STEEP1: variants seen among roughly 807,000 people sequenced by gnomAD.
STEEP1 encodes STING1 ER exit protein 1.
Under a neutral mutation model 19.2 loss-of-function variants are expected in STEEP1, and 3 were observed. That is an observed-to-expected ratio of 0.16 (90% CI 0.07 to 0.40). STEEP1 has a LOEUF of 0.40. STEEP1 is among the 10% of genes least tolerant of loss of function. The pLI is 0.99. For synonymous variants in STEEP1, 46 were observed against 63.7 expected (o/e 0.72, Z 1.32); for missense variants, 54 against 177.1 (o/e 0.30, Z 3.94).
intron 1 of STEEP1, among the ~76,000 whole-genome samples, chrX:119,564,545 A>T (rs890767564): frequency 9.2e-5 from 10 of 109,122 alleles, no homozygotes; most frequent in African/African-American, 3.3e-4. Flanking sequence ...TCAAGTGAGT[A>T]TGGAGTCTTG....
Position 119,545,425 on chromosome X carries a change from T to C in STEEP1, c.284+38A>G, listed in dbSNP as rs191963467. ...TTTCCTAACACATTATGCCTCTACT[T>C]GCCTATGCTTGGAGAAACCCACATT... On this transcript the variant is annotated intron_variant, in intron 3 of 6. Transcript: ENST00000644802. The C allele has an allele frequency of 6.4e-5, 62 of 971,800 alleles. No individual in the cohort carries two copies. The African/African-American group carries it at 9.9e-4, about 16-fold the overall frequency. The allele number at this position is 971,800 out of a possible 1,213,427, so 80.1% of individuals were successfully genotyped here.
chrX:119,552,197 G>C (rs909443545), intron 2 of STEEP1, among the ~76,000 whole-genome samples: 1 of 111,132 alleles, frequency 9.0e-6, no homozygotes, highest in African/African-American at 3.3e-5. Flanking sequence ...CTGGCTGCCC[G>C]GCTAATTTTT....
chrX:119,540,264 A>G (rs182774233), intron 6 of STEEP1, among the ~76,000 whole-genome samples: 1 of 112,646 alleles, frequency 8.9e-6, no homozygotes, highest in East Asian at 2.8e-4. Context: ...AGTAATTTTT[A>G]AAATCTGATA....
intron 4 of STEEP1, among the ~76,000 whole-genome samples, chrX:119,543,683 T>G (rs776424329): frequency 9.2e-6 from 1 of 109,216 alleles, no homozygotes; most frequent in South Asian, 3.9e-4. Context: ...GGTCTCGCCG[T>G]GCTGCCCAGG....
Position 119,558,191 on chromosome X carries a change from G to A in STEEP1, c.242+2077C>T, listed in dbSNP as rs889956959. Among the ~76,000 whole-genome samples the A allele has an allele frequency of 2.7e-5, 3 of 111,379 alleles. No individual in the cohort carries two copies. In the Admixed American group the frequency reaches 2.9e-4, roughly 11 times the overall value. On this transcript the variant is annotated intron_variant, in intron 2 of 6. Transcript: ENST00000644802. Reference sequence around the variant, plus strand: ...CTCAAAGTGTTGGGATTACAGGCGTGAGCCACCACACCCAGGCTGTAGTAC... The same window carrying A: ...CTCAAAGTGTTGGGATTACAGGCGTAAGCCACCACACCCAGGCTGTAGTAC...
chrX:119,559,105 C>G (rs1176294991), intron 2 of STEEP1, among the ~76,000 whole-genome samples: 2 of 110,051 alleles, frequency 1.8e-5, no homozygotes, highest in African/African-American at 6.6e-5. Flanking sequence ...GAAATCCCAG[C>G]TACTCAGGAC....
intron 1 of STEEP1, among the ~76,000 whole-genome samples, chrX:119,564,909 T>C (rs981477688): frequency 8.9e-6 from 1 of 111,787 alleles, no homozygotes; most frequent in African/African-American, 3.3e-5. Flanking sequence ...GCAGAAAAGT[T>C]ATAAAGCTTC....
intron 6 of STEEP1, 24 bp from the exon 7 acceptor site, chrX:119,539,813 G>C (rs766950247): frequency 1.8e-6 from 2 of 1,132,320 alleles, no homozygotes; most frequent in Non-Finnish European, 1.2e-6. Flanking sequence ...AAAAGCATAT[G>C]TCTTGATACA....
At chrX:119,548,523 ACT>A (rs1249789953) in intron 2 of STEEP1, among the ~76,000 whole-genome samples, 2 of 76,145 alleles carry the variant, frequency 2.6e-5, no homozygotes, top group African/African-American at 1.1e-4. Context: ...ACAGAGTAAG[ACT>A]CTGTCTCAAA....
Position 119,539,592 on chromosome X carries a change from G to T in STEEP1, c.*135C>A. 2.2e-6 allele frequency: 1 copy of T among 454,310 alleles called. No individual in the cohort carries two copies. The highest frequency in any genetic ancestry group is 3.8e-6 in the Non-Finnish European group (1 of 261,352). 37.4% of individuals were successfully genotyped at this position (454,310 alleles called of 1,213,427 possible). A position where few individuals can be genotyped will look rare whatever the true frequency, so the allele number is the denominator to read the frequency against. Reference sequence around the variant, plus strand: ...GACTCAGTTAAAGACCTCACTGAATGTAGGAGAATCAATGGGAAACAACGT... The same window carrying T: ...GACTCAGTTAAAGACCTCACTGAATTTAGGAGAATCAATGGGAAACAACGT... On this transcript the variant is annotated 3_prime_UTR_variant, in exon 7 of 7. Transcript: ENST00000644802.
chrX:119,545,581 CGCTAAGAG>C, intron 2 of STEEP1, 77 bp from the exon 3 acceptor site: 1 of 695,291 alleles, frequency 1.4e-6, no homozygotes, highest in Admixed American at 2.3e-5. Context: ...TTTCTTCAAA[CGCTAAGAG>C]GCCCTTTCAA....
chrX:119,564,505 G>GGC (rs1556224716), intron 1 of STEEP1, among the ~76,000 whole-genome samples: 1 of 96,810 alleles, frequency 1.0e-5, no homozygotes, highest in African/African-American at 3.9e-5. Context: ...GAAAAAAAAG[G>GGC]GGGGGGGGAA....
intron 4 of STEEP1, among the ~76,000 whole-genome samples, chrX:119,544,137 ACCC>A (rs1258792107): frequency 9.0e-6 from 1 of 110,965 alleles, no homozygotes; most frequent in Non-Finnish European, 1.9e-5. Context: ...GCATCTATAT[ACCC>A]CCCAAATCGT....
Position 119,539,547 on chromosome X carries a change from A to AAG in STEEP1, c.*179_*180insCT, listed in dbSNP as rs1556193710. ...CTTTATCTCAAAAAAAAAAAAAAAA[A>AAG]AAAGAAAGCAAGTTAAATGGACTCA... On this transcript the variant is annotated 3_prime_UTR_variant, in exon 7 of 7. Coordinates refer to ENST00000644802, the MANE Select transcript of STEEP1 (RefSeq NM_022101.4). 9.0e-4 allele frequency: 320 copies of AAG among 356,671 alleles called. No individual in the cohort carries two copies. Among genetic ancestry groups the AAG allele is most frequent in the South Asian group, 1.9e-3 (30 of 15,971 alleles). The allele number at this position is 356,671 out of a possible 1,213,427, so 29.4% of individuals were successfully genotyped here.
intron 5 of STEEP1, among the ~76,000 whole-genome samples, chrX:119,542,055 CTTTTTTTTTTTTTTTT>C (rs201339708): frequency 2.4e-5 from 2 of 82,907 alleles, no homozygotes; most frequent in African/African-American, 4.9e-5. Context: ...CTTTTCTTTT[CTTTTTTTTTTTTTTTT>C]TTTTTTTTTT....
chrX:119,545,599 A>G (rs1172762767), intron 2 of STEEP1, 95 bp from the exon 3 acceptor site: 1 of 620,041 alleles, frequency 1.6e-6, no homozygotes, highest in African/African-American at 2.2e-5. Context: ...GGCCCTTTCA[A>G]AAGTTTTCAT....
In STEEP1 at chrX:119,538,956, C is replaced by T. The variant is rs896736293; in HGVS notation, c.*771G>A. On this transcript the variant is annotated 3_prime_UTR_variant, in exon 7 of 7. Coordinates refer to ENST00000644802, the MANE Select transcript of STEEP1 (RefSeq NM_022101.4). ...ACCACAGCCAATTCCAAGAACCCTT[C>T]TAAGAACAGAGACAGAGTCACTTCA... The T allele has an allele frequency of 1.6e-4, 18 of 110,968 alleles. No individual in the cohort carries two copies. The highest frequency in any genetic ancestry group is 1.5e-3 in the Admixed American group (16 of 10,419). The allele number at this position is 110,968 out of a possible 1,213,427, so 9.1% of individuals were successfully genotyped here.
intron 2 of STEEP1, among the ~76,000 whole-genome samples, chrX:119,559,779 T>C (rs955821623): frequency 4.4e-5 from 5 of 112,563 alleles, no homozygotes; most frequent in Admixed American, 9.5e-5. Flanking sequence ...CCGGGCACAG[T>C]GGCTTATGCC....
In STEEP1 at chrX:119,539,596, G is replaced by A. The variant is rs2053149184; in HGVS notation, c.*131C>T. On this transcript the variant is annotated 3_prime_UTR_variant, in exon 7 of 7. Transcript: ENST00000644802. ...CAGTTAAAGACCTCACTGAATGTAG[G>A]AGAATCAATGGGAAACAACGTAAAG... 1 of 472,952 alleles carries A rather than the reference G, an allele frequency of 2.1e-6. No individual in the cohort carries two copies. Among genetic ancestry groups the A allele is most frequent in the Non-Finnish European group, 3.7e-6 (1 of 273,821 alleles). The allele number at this position is 472,952 out of a possible 1,213,427, so 39.0% of individuals were successfully genotyped here.
Sources: gnomAD v4.1 joint callset for allele counts (sites outside exome capture counted in the v4.1 genomes callset) on GRCh38, gnomAD v4.1.1 for gene constraint, MANE v1.5 for transcripts, NCBI Gene and HGNC (gene_info 2026-07-23, HGNC 2026-07-21) for gene names.